The following GABRA4 variants were observed in gnomAD, a reference collection of about 807,000 sequenced individuals.
GABRA4 encodes the protein gamma-aminobutyric acid receptor subunit alpha-4.
Under a neutral mutation model 49.7 loss-of-function variants are expected in GABRA4, and 12 were observed. The ratio of observed to expected loss-of-function variants is 0.24; its 90% CI spans 0.15 to 0.39. The LOEUF is 0.39. GABRA4 is among the 10% of genes least tolerant of loss of function. The probability of loss-of-function intolerance (pLI) is 1.00; values close to 1 mark genes in which losing one functional copy is unlikely to be tolerated. For missense variants in GABRA4, 506 were observed against 686.0 expected (o/e 0.74, Z 2.93); for synonymous variants, 288 against 240.2 (o/e 1.20, Z -1.84).
At chr4:46,977,247 G>A (rs1008595401) in intron 4 of GABRA4, 104 bp from the exon 5 acceptor site, 1 of 617,032 alleles carries the variant, frequency 1.6e-6, no homozygotes, top group African/African-American at 2.0e-5. Flanking sequence ...AAGGAAGAAG[G>A]GAGGGAAGAA....
intron 3 of GABRA4, among the ~76,000 whole-genome samples, chr4:46,978,687 C>CAAAAAAAAAAAAAAAAAAAAAAAAAAAA (rs71193889): frequency 1.8e-4 from 4 of 21,658 alleles, no homozygotes; most frequent in South Asian, 3.3e-3. Flanking sequence ...AACTTCATCT[C>CAAAAAAAAAAAAAAAAAAAAAAAAAAAA]AAAAAAAAAA....
At chr4:46,977,375 A>G in intron 4 of GABRA4, 35 bp downstream of exon 4, 1 of 1,204,560 alleles carries the variant, frequency 8.3e-7, no homozygotes, top group Non-Finnish European at 1.2e-6. Flanking sequence ...AGAAAAGAAT[A>G]AAAAAGGAAG....
chr4:46,988,585 A>G (rs1160139475), intron 2 of GABRA4, among the ~76,000 whole-genome samples: 2 of 152,226 alleles, frequency 1.3e-5, no homozygotes, highest in African/African-American at 4.8e-5. Context: ...ACACAATTTG[A>G]TTTTTGTGGG....
At position 46,971,214 on chromosome 4, in the gene GABRA4, A is replaced by G; in HGVS notation, c.743T>C (p.Val248Ala). 6.2e-7 allele frequency: 1 copy of G among 1,609,562 alleles called. No homozygotes were observed. The highest frequency in any genetic ancestry group is 8.5e-7 in the Non-Finnish European group (1 of 1,176,990). ...SITGEYIVMT[V>A]YFHLRRKMGY... ...CATCTTCCGTCTGAGGTGGAAGTAA[A>G]CCGTCATAACAATATATTCACCTGC... Residue 248 changes from valine to alanine, a missense_variant, in exon 7 of 9, where the codon GTT (valine) becomes GCT (alanine). Coordinates refer to ENST00000264318, the MANE Select transcript of GABRA4 (RefSeq NM_000809.4).
intron 2 of GABRA4, 82 bp from the exon 3 acceptor site, chr4:46,979,180 T>C (rs1723260825): frequency 2.5e-6 from 2 of 816,264 alleles, no homozygotes; most frequent in Non-Finnish European, 4.2e-6. Context: ...ACAGAGTAAA[T>C]ACAGATATGA....
At chr4:46,949,908 C>T (rs1459395502) in intron 8 of GABRA4, among the ~76,000 whole-genome samples, 2 of 152,018 alleles carry the variant, frequency 1.3e-5, no homozygotes, top group Non-Finnish European at 2.9e-5. Context: ...AAATCTCACT[C>T]TACTTTTATG....
chr4:46,941,928 T>C (rs1419532320), intron 8 of GABRA4, among the ~76,000 whole-genome samples: 1 of 152,144 alleles, frequency 6.6e-6, no homozygotes, highest in Admixed American at 6.6e-5. Flanking sequence ...GTGGATATTA[T>C]TCTACTTAAT....
chr4:46,936,910 C>T lies in GABRA4; in HGVS notation c.1135-8155G>A, dbSNP rs556938793. ...TGGGAAATGGGGCAGTGTAGCCCAC[C>T]AGACTAGGGATGGCAGAATGCAACA... On this transcript the variant is annotated intron_variant, in intron 8 of 8. Coordinates refer to ENST00000264318, the MANE Select transcript of GABRA4 (RefSeq NM_000809.4). Among the ~76,000 whole-genome samples, 4 of 152,216 alleles carry T rather than the reference C, an allele frequency of 2.6e-5. No homozygotes were observed. The South Asian group carries it at 6.2e-4, about 24-fold the overall frequency.
intron 8 of GABRA4, among the ~76,000 whole-genome samples, chr4:46,934,564 G>A (rs566675576): frequency 6.6e-6 from 1 of 152,266 alleles, no homozygotes; most frequent in South Asian, 2.1e-4. Flanking sequence ...TTCAATGTTT[G>A]TATTTCCATA....
At chr4:46,987,385 TC>T (rs1456342813) in intron 2 of GABRA4, among the ~76,000 whole-genome samples, 2 of 152,086 alleles carry the variant, frequency 1.3e-5, no homozygotes, top group African/African-American at 2.4e-5. Flanking sequence ...TGCAACCCTC[TC>T]CCCTGCTTTA....
chr4:46,925,971 T>C lies in GABRA4; in HGVS notation c.*2254A>G, dbSNP rs1421318931. On this transcript the variant is annotated 3_prime_UTR_variant, in exon 9 of 9. Transcript: ENST00000264318. ...TTTTATCTCTTTACACTCTGTAAGA[T>C]TTGTAGAAGAACACTTTTTTTTAAA... The C allele has an allele frequency of 6.6e-6, 1 of 151,532 alleles. No individual in the cohort carries two copies. Among genetic ancestry groups the C allele is most frequent in the Non-Finnish European group, 1.5e-5 (1 of 67,756 alleles). 9.4% of individuals were successfully genotyped at this position (151,532 alleles called of 1,614,324 possible).
intron 8 of GABRA4, among the ~76,000 whole-genome samples, chr4:46,929,089 T>C (rs1006562763): frequency 2.6e-5 from 4 of 152,000 alleles, no homozygotes; most frequent in Non-Finnish European, 4.4e-5. Flanking sequence ...AATACTGCTG[T>C]AAAAGTTATT....
intron 2 of GABRA4, among the ~76,000 whole-genome samples, chr4:46,981,599 C>T (rs1203378577): frequency 6.6e-6 from 1 of 152,040 alleles, no homozygotes; most frequent in African/African-American, 2.4e-5. Context: ...TGTTGGGTTC[C>T]CTGCTAGGCT....
At chr4:46,943,140 A>G (rs1721874935) in intron 8 of GABRA4, among the ~76,000 whole-genome samples, 1 of 152,124 alleles carries the variant, frequency 6.6e-6, no homozygotes, top group Non-Finnish European at 1.5e-5. Context: ...ATTCTTGCCC[A>G]TATTCAAAGT....
intron 2 of GABRA4, among the ~76,000 whole-genome samples, chr4:46,990,742 A>C (rs918900677): frequency 2.0e-5 from 3 of 152,198 alleles, no homozygotes; most frequent in Non-Finnish European, 2.9e-5. Flanking sequence ...TTTGATCTAA[A>C]ATGGAAGATC....
intron 8 of GABRA4, among the ~76,000 whole-genome samples, chr4:46,961,662 T>C (rs1045303444): frequency 6.6e-6 from 1 of 151,946 alleles, no homozygotes; most frequent in Non-Finnish European, 1.5e-5. Context: ...TGATGATTTA[T>C]ATACGTGTTG....
chr4:46,988,572 C>A (rs1432315318), intron 2 of GABRA4, among the ~76,000 whole-genome samples: 5 of 152,200 alleles, frequency 3.3e-5, no homozygotes, highest in Non-Finnish European at 7.4e-5. Flanking sequence ...GAAAACACTG[C>A]AAACACAATT....
At chr4:46,970,086 T>C (rs1361240202) in intron 7 of GABRA4, among the ~76,000 whole-genome samples, 1 of 151,312 alleles carries the variant, frequency 6.6e-6, no homozygotes, top group Admixed American at 6.6e-5. Flanking sequence ...GTCTTTAGAG[T>C]ATTTCAGATC....
At chr4:46,934,401 C>T (rs533080889) in intron 8 of GABRA4, among the ~76,000 whole-genome samples, 27 of 152,056 alleles carry the variant, frequency 1.8e-4, no homozygotes, top group Non-Finnish European at 3.5e-4. Context: ...ACGTGCTACA[C>T]GTAGAAATTT....
Sources: allele counts gnomAD v4.1 joint callset (sites outside exome capture counted in the v4.1 genomes callset), GRCh38; gene constraint gnomAD v4.1.1; transcripts MANE v1.5; gene names NCBI Gene and HGNC (gene_info 2026-07-23, HGNC 2026-07-21).